Variants in ZFAND3 observed in about 807,000 individuals in gnomAD.
ZFAND3 encodes the protein AN1-type zinc finger protein 3.
A neutral mutation model predicts 29.6 loss-of-function variants in ZFAND3; 10 were observed. That is an observed-to-expected ratio of 0.34 (90% CI 0.21 to 0.57). The LOEUF (loss-of-function observed/expected upper bound fraction) is 0.57, where lower values mean the gene tolerates loss of function less well. ZFAND3 is among the 20% of genes least tolerant of loss of function. ZFAND3 has a pLI of 0.86. For missense variants in ZFAND3, 230 were observed against 304.5 expected (o/e 0.76, Z 1.82); for synonymous variants, 128 against 112.6 (o/e 1.14, Z -0.87).
At chr6:38,055,780 G>A (rs368199140) in intron 2 of ZFAND3, among the ~76,000 whole-genome samples, 24 of 152,210 alleles carry the variant, frequency 1.6e-4, no homozygotes, top group East Asian at 1.9e-4. Flanking sequence ...TAGAAATGCC[G>A]ACCCACATGA....
In ZFAND3 at chr6:38,152,525, A is replaced by G. The variant is rs1290882606; in HGVS notation, c.*136A>G. ...GTCCGTTTCCTTTCTTTAGCCAGCC[A>G]TCCTGGTACTGTAGTTTAGGGGTTG... On this transcript the variant is annotated 3_prime_UTR_variant, in exon 6 of 6. Coordinates refer to ENST00000287218, the MANE Select transcript of ZFAND3 (RefSeq NM_021943.3). 6 of 1,370,496 alleles carry G rather than the reference A, an allele frequency of 4.4e-6. No homozygotes were observed. Among genetic ancestry groups the G allele is most frequent in the Non-Finnish European group, 5.6e-6 (6 of 1,062,384 alleles). The allele number at this position is 1,370,496 out of a possible 1,614,324, so 84.9% of individuals were successfully genotyped here. A position where few individuals can be genotyped will look rare whatever the true frequency, so the allele number is the denominator to read the frequency against.
At chr6:37,981,115 A>G (rs559394713) in intron 2 of ZFAND3, among the ~76,000 whole-genome samples, 257 of 152,360 alleles carry the variant, frequency 1.7e-3, no homozygotes, top group Non-Finnish European at 2.8e-3. Context: ...GTCTGAGCCT[A>G]AGGCAACCAT....
chr6:38,009,654 A>G (rs115985672), intron 2 of ZFAND3, among the ~76,000 whole-genome samples: 1,542 of 152,226 alleles, frequency 0.01, 13 homozygotes, highest in Non-Finnish European at 0.016. Flanking sequence ...ATATTGAAGG[A>G]GGTTTCCCAG....
chr6:37,965,163 T>A (rs1013016121), intron 2 of ZFAND3, among the ~76,000 whole-genome samples: 3 of 152,228 alleles, frequency 2.0e-5, no homozygotes, highest in African/African-American at 7.2e-5. Flanking sequence ...TGTCCTGATT[T>A]TTATTATTAT....
chr6:38,092,561 G>C (rs549268846), intron 4 of ZFAND3, among the ~76,000 whole-genome samples: 2 of 152,284 alleles, frequency 1.3e-5, no homozygotes, highest in Admixed American at 1.3e-4. Context: ...ATTCACTTTA[G>C]AGTCATGGGG....
chr6:37,832,546 C>T (rs1301882194), intron 1 of ZFAND3, among the ~76,000 whole-genome samples: 1 of 152,184 alleles, frequency 6.6e-6, no homozygotes, highest in Non-Finnish European at 1.5e-5. Context: ...TGAATTTGTA[C>T]TAGAAGATGG....
intron 2 of ZFAND3, among the ~76,000 whole-genome samples, chr6:38,023,060 G>A (rs77461182): frequency 6.6e-6 from 1 of 152,188 alleles, no homozygotes; most frequent in East Asian, 1.9e-4. Flanking sequence ...ACTATTCTTT[G>A]TGAATTCATC....
intron 1 of ZFAND3, among the ~76,000 whole-genome samples, chr6:37,895,459 C>CTTTTTTTTTTTTTTTTT (rs11331881): frequency 1.3e-5 from 1 of 76,772 alleles, no homozygotes; most frequent in Non-Finnish European, 2.4e-5. Context: ...CTCAGAGGTT[C>CTTTTTTTTTTTTTTTTT]TTTTTTTTTT....
intron 1 of ZFAND3, among the ~76,000 whole-genome samples, chr6:37,862,733 A>C (rs1420711404): frequency 4.0e-5 from 6 of 151,744 alleles, no homozygotes; most frequent in Admixed American, 1.3e-4. Flanking sequence ...CAAAAAAAAA[A>C]CAAAGTGCCC....
chr6:37,820,162 T>C (rs1328033492), intron 1 of ZFAND3, 146 bp downstream of exon 1: 1 of 125,002 alleles, frequency 8.0e-6, no homozygotes, highest in Non-Finnish European at 1.7e-5. Context: ...GGGGTCGCGT[T>C]CCGGGGAGGG....
chr6:37,837,344 T>C (rs1581698073), intron 1 of ZFAND3, among the ~76,000 whole-genome samples: 1 of 152,314 alleles, frequency 6.6e-6, no homozygotes, highest in East Asian at 1.9e-4. Flanking sequence ...TTTTTTCAGA[T>C]ATTCTAAAAA....
chr6:38,025,392 T>A (rs1263576569), intron 2 of ZFAND3, among the ~76,000 whole-genome samples: 1 of 152,204 alleles, frequency 6.6e-6, no homozygotes, highest in Non-Finnish European at 1.5e-5. Context: ...TCCAAGTAAT[T>A]TAAGTGGTAT....
At position 38,153,018 on chromosome 6, in the gene ZFAND3, C is replaced by A; in HGVS notation, c.*629C>A. 1 of 985,882 alleles carries A rather than the reference C, an allele frequency of 1.0e-6. No individual in the cohort carries two copies. The highest frequency in any genetic ancestry group is 1.2e-6 in the Non-Finnish European group (1 of 829,968). 61.1% of individuals were successfully genotyped at this position (985,882 alleles called of 1,614,324 possible). On this transcript the variant is annotated 3_prime_UTR_variant, in exon 6 of 6. Coordinates refer to ENST00000287218, the MANE Select transcript of ZFAND3 (RefSeq NM_021943.3). ...TGACTTGCTATGAAAAAACTCATCA[C>A]ACAAGAAGAGAAACAGTAACCTCAC...
intron 2 of ZFAND3, among the ~76,000 whole-genome samples, chr6:37,942,396 A>G (rs1761827227): frequency 6.6e-6 from 1 of 152,116 alleles, no homozygotes; most frequent in African/African-American, 2.4e-5. Context: ...CTTCATGATC[A>G]TTTGAGACAT....
chr6:38,138,436 A>G (rs1000788671), intron 5 of ZFAND3, among the ~76,000 whole-genome samples: 7 of 152,116 alleles, frequency 4.6e-5, no homozygotes. Flanking sequence ...TTTTAAATCC[A>G]GAAGTTCCCT....
At chr6:37,983,194 A>G (rs1159839214) in intron 2 of ZFAND3, among the ~76,000 whole-genome samples, 1 of 152,056 alleles carries the variant, frequency 6.6e-6, no homozygotes, top group Non-Finnish European at 1.5e-5. Context: ...TTTAAACAAT[A>G]AATTTGGTGT....
intron 5 of ZFAND3, among the ~76,000 whole-genome samples, chr6:38,130,479 A>G (rs1182212121): frequency 3.3e-5 from 5 of 152,196 alleles, no homozygotes; most frequent in African/African-American, 4.8e-5. Flanking sequence ...ATATTGAGGT[A>G]TATTCCTTGT....
At chr6:37,936,711 A>G (rs990899893) in intron 2 of ZFAND3, among the ~76,000 whole-genome samples, 2 of 152,222 alleles carry the variant, frequency 1.3e-5, no homozygotes, top group Non-Finnish European at 2.9e-5. Context: ...TTTAAATTTT[A>G]ATTTTGTCTG....
At chr6:38,138,493 C>A (rs1371201593) in intron 5 of ZFAND3, among the ~76,000 whole-genome samples, 1 of 152,124 alleles carries the variant, frequency 6.6e-6, no homozygotes, top group Admixed American at 6.5e-5. Context: ...AAGGCAGAAG[C>A]AGGCAACACG....
Sources: gnomAD v4.1 joint callset for allele counts (sites outside exome capture counted in the v4.1 genomes callset) on GRCh38, gnomAD v4.1.1 for gene constraint, MANE v1.5 for transcripts, NCBI Gene and HGNC (gene_info 2026-07-23, HGNC 2026-07-21) for gene names.